Variants in MRPS24 observed in about 807,000 individuals in gnomAD.
MRPS24 encodes the protein small ribosomal subunit protein uS3m.
Under a neutral mutation model 21.8 loss-of-function variants are expected in MRPS24, and 15 were observed. The observed-to-expected ratio is 0.69, with a 90% CI of 0.46 to 1.06. MRPS24 has a LOEUF of 1.06. Ranked by LOEUF, MRPS24 falls within the 50% of genes least tolerant of loss-of-function variation. The pLI, the probability that MRPS24 is intolerant of heterozygous loss-of-function variation, is 0.00. For synonymous variants in MRPS24, 93 were observed against 93.7 expected (o/e 0.99, Z 0.04); for missense variants, 224 against 219.1 (o/e 1.02, Z -0.14).
rs747979916 is a variant in MRPS24, at chr7:43,866,749, G to A, written c.454C>T (p.Arg152Ter). ...LLSYFYKCPV[R>*]LHLQTVPSKV... The stretch of plus-strand genomic sequence containing the variant: ...GAGGGCACAGTTTGGAGGTGGAGTC[G>A]CACAGGACATTTGTAAAAGTAGGAC... The change falls in exon 4 of 4, where the codon CGA (arginine) becomes TGA (stop). Residue 152 changes from arginine to a stop codon, truncating the protein, a stop_gained. Coordinates refer to ENST00000317534, the MANE Select transcript of MRPS24 (RefSeq NM_032014.3). LOFTEE classifies it high-confidence loss of function. 19 of 1,614,056 alleles carry A rather than the reference G, an allele frequency of 1.2e-5. No individual in the cohort carries two copies. Among genetic ancestry groups the A allele is most frequent in the African/African-American group, 9.3e-5 (7 of 74,904 alleles).
At chr7:43,868,319 A>C (rs2095838023) in intron 3 of MRPS24, 1 of 152,200 alleles carries the variant, frequency 6.6e-6, no homozygotes, top group African/African-American at 2.4e-5. Context: ...TAGACCATAA[A>C]AAGGACACCT....
chr7:43,869,419 C>A lies in MRPS24; in HGVS notation c.39+38G>T. 1 of 1,552,472 alleles carries A rather than the reference C, an allele frequency of 6.4e-7. No homozygotes were observed. The highest frequency in any genetic ancestry group is 8.7e-7 in the Non-Finnish European group (1 of 1,148,508). ...GTGAGGCGGAAACTAGGGACCCCAC[C>A]TCCGACTCGCAGGGACCTGCCGAGT... On this transcript the variant is annotated intron_variant, in intron 1 of 3. Coordinates refer to ENST00000317534, the MANE Select transcript of MRPS24 (RefSeq NM_032014.3). This position sits in a 1 kb window ranked among gnomAD's most constrained non-coding sequence, Gnocchi z 4.8.
intron 3 of MRPS24, 180 bp downstream of exon 3, chr7:43,868,782 AT>A (rs1322483893): frequency 1.4e-6 from 1 of 727,648 alleles, no homozygotes. Context: ...CCATCTTCAA[AT>A]TTGTTTCAAC....
In MRPS24 at chr7:43,869,320, C is replaced by T; in HGVS notation, c.96G>A (p.Pro32=). 6.5e-7 allele frequency: 1 copy of T among 1,545,438 alleles called. No individual in the cohort carries two copies. Among genetic ancestry groups the T allele is most frequent in the Non-Finnish European group, 8.7e-7 (1 of 1,146,416 alleles). Reference sequence around the variant, plus strand: ...CGGCGGTGCTCACCTTGGCGCAGACCGGGGAGGTGTGCAGGGCGCGCCAAG... The same window carrying T: ...CGGCGGTGCTCACCTTGGCGCAGACTGGGGAGGTGTGCAGGGCGCGCCAAG... ...PCAWRALHTS[P]VCAKNRAARV... The change falls in exon 2 of 4, where the codon CCG becomes CCA. Residue 32 remains proline, a synonymous_variant. Coordinates refer to ENST00000317534, the MANE Select transcript of MRPS24 (RefSeq NM_032014.3). This position sits in a 1 kb window ranked among gnomAD's most constrained non-coding sequence, Gnocchi z 4.8.
Position 43,866,756 on chromosome 7 carries a change from A to G in MRPS24, c.447T>C (p.Cys149=). The stretch of plus-strand genomic sequence containing the variant: ...CAGTTTGGAGGTGGAGTCGCACAGG[A>G]CATTTGTAAAAGTAGGACAGCAAAG... ...SETLLSYFYK[C]PVRLHLQTVP... The change falls in exon 4 of 4, where the codon TGT becomes TGC. Residue 149 remains cysteine (C), a synonymous_variant. Transcript: ENST00000317534. 6.2e-7 allele frequency: 1 copy of G among 1,614,214 alleles called. No individual in the cohort carries two copies. Among genetic ancestry groups the G allele is most frequent in the East Asian group, 2.2e-5 (1 of 44,888 alleles).
intron 3 of MRPS24, 43 bp from the exon 4 acceptor site, chr7:43,867,025 C>T (rs2095836971): frequency 7.5e-6 from 12 of 1,593,708 alleles, no homozygotes; most frequent in Non-Finnish European, 1.0e-5. Context: ...CCTCATTGCC[C>T]CAGGGCCCTG....
Position 43,869,139 on chromosome 7 carries a change from C to A in MRPS24, c.109-65G>T, listed in dbSNP as rs183695189. On this transcript the variant is annotated intron_variant, in intron 2 of 3. Coordinates refer to ENST00000317534, the MANE Select transcript of MRPS24 (RefSeq NM_032014.3). The surrounding 1 kb of genome is among the most constrained non-coding windows in gnomAD (Gnocchi z 4.8). ...TCCAGACCCCTACTTCGCGCCATGT[C>A]CCCCCAGTCAGCTGGCACTGTTCCC... 3 of 1,541,074 alleles carry A rather than the reference C, an allele frequency of 1.9e-6. No homozygotes were observed. In the East Asian group the frequency reaches 7.2e-5, roughly 37 times the overall value.
At chr7:43,868,361 C>G (rs2095838074) in intron 3 of MRPS24, 2 of 152,182 alleles carry the variant, frequency 1.3e-5, no homozygotes, top group Admixed American at 1.3e-4. Context: ...CTAGGCAGAG[C>G]CTTGTCGACC....
At position 43,869,259 on chromosome 7, in the gene MRPS24, C is replaced by CCCCCT; in HGVS notation, c.108+48_108+49insAGGGG. 6.9e-7 allele frequency: 1 copy of CCCCCT among 1,448,352 alleles called. No homozygotes were observed. Among genetic ancestry groups the CCCCCT allele is most frequent in the South Asian group, 1.4e-5 (1 of 73,662 alleles). The allele number at this position is 1,448,352 out of a possible 1,614,324, so 89.7% of individuals were successfully genotyped here. On this transcript the variant is annotated intron_variant, in intron 2 of 3. Transcript: ENST00000317534. The surrounding 1 kb of genome is among the most constrained non-coding windows in gnomAD (Gnocchi z 4.8). Reference sequence around the variant, plus strand: ...CAGCCCGCACGGCTTCCCCGGCCCCCGGCCCCCCGGCCCCCAGGCCCCCAG... The same window carrying CCCCCT: ...CAGCCCGCACGGCTTCCCCGGCCCCCCCCCTGGCCCCCCGGCCCCCAGGCCCCCAG...
chr7:43,867,077 C>A, intron 3 of MRPS24, 95 bp from the exon 4 acceptor site: 2 of 1,298,546 alleles, frequency 1.5e-6, no homozygotes, highest in Non-Finnish European at 2.1e-6. Flanking sequence ...TGAGCACAAT[C>A]CCACCCTTCA....
rs1436891075 is a variant in MRPS24 at position 43,869,340 on chromosome 7, G to A, written c.76C>T (p.Arg26Cys). 11 of 1,547,998 alleles carry A rather than the reference G, an allele frequency of 7.1e-6. No individual in the cohort carries two copies. The highest frequency in any genetic ancestry group is 6.0e-5 in the South Asian group (5 of 84,028). The change falls in exon 2 of 4, where the codon CGC becomes TGC. Residue 26 changes from arginine to cysteine, a missense_variant. Transcript: ENST00000317534. The surrounding 1 kb of genome is among the most constrained non-coding windows in gnomAD (Gnocchi z 4.8). ...CAGACCGGGGAGGTGTGCAGGGCGC[G>A]CCAAGCGCAAGGCAGCTCTCGGCTC... ...SWSRELPCAW[R>C]ALHTSPVCAK...
chr7:43,867,059 A>T, intron 3 of MRPS24, 77 bp from the exon 4 acceptor site: 1 of 1,490,340 alleles, frequency 6.7e-7, no homozygotes. Flanking sequence ...GTCAACATCC[A>T]AAAGCGCTGA....
chr7:43,867,518 CTCTT>C (rs1433537057), intron 3 of MRPS24: 24,534 of 88,966 alleles, frequency 0.28, 4,565 homozygotes, highest in East Asian at 0.47. Flanking sequence ...GCATCTCTCT[CTCTT>C]TTTTTTTTTT....
chr7:43,869,043 C>T lies in MRPS24; in HGVS notation c.140G>A (p.Gly47Glu), dbSNP rs1334896222. The T allele has an allele frequency of 1.2e-6, 2 of 1,613,704 alleles. No individual in the cohort carries two copies. Among genetic ancestry groups the T allele is most frequent in the Admixed American group, 1.7e-5 (1 of 60,034 alleles). ...CTCCTCGTAGGTCACCGGCTTGTCC[C>T]CCTTGCTTACGCGTACTCGGGCCGC... ...NRAARVRVSK[G>E]DKPVTYEEAH... The change falls in exon 3 of 4, where the codon GGG becomes GAG. Residue 47 changes from glycine (G) to glutamate (E), a missense_variant. By Grantham distance (98) the Gly-to-Glu change is moderately conservative. Transcript: ENST00000317534. This position sits in a 1 kb window ranked among gnomAD's most constrained non-coding sequence, Gnocchi z 4.8.
At chr7:43,867,257 A>G (rs2095837118) in intron 3 of MRPS24, among the ~76,000 whole-genome samples, 1 of 152,240 alleles carries the variant, frequency 6.6e-6, no homozygotes, top group South Asian at 2.1e-4. Flanking sequence ...ACAAAACTCA[A>G]GATGATGCCA....
chr7:43,866,687 A>G lies in MRPS24; in HGVS notation c.*12T>C. 1 of 1,611,076 alleles carries G rather than the reference A, an allele frequency of 6.2e-7. No individual in the cohort carries two copies. The highest frequency in any genetic ancestry group is 8.5e-7 in the Non-Finnish European group (1 of 1,177,338). ...CTGCAGGCTACAGCTTGATGGAAAA[A>G]AGGGGATTGTTCTAGAGGTACTTAT... is the stretch of plus-strand genomic sequence containing the variant. On this transcript the variant is annotated 3_prime_UTR_variant, in exon 4 of 4. Transcript: ENST00000317534.
chr7:43,867,298 C>G (rs10261675), intron 3 of MRPS24, among the ~76,000 whole-genome samples: 13,446 of 152,144 alleles, frequency 0.088, 743 homozygotes, highest in Middle Eastern at 0.16. Flanking sequence ...GCTTTCTTGG[C>G]TGCCTTATAA....
rs670573 is a variant in MRPS24 at position 43,866,914 on chromosome 7, A to G, written c.289T>C (p.Trp97Arg). 0.072 allele frequency: 115,730 copies of G among 1,614,126 alleles called. 4,886 individuals carry two copies. The highest frequency in any genetic ancestry group is 0.18 in the East Asian group (8,240 of 44,878). The change falls in exon 4 of 4, where the codon TGG becomes CGG. Residue 97 changes from tryptophan (W) to arginine (R), a missense_variant. By Grantham distance (101) the Trp-to-Arg change is moderately radical. Coordinates refer to ENST00000317534, the MANE Select transcript of MRPS24 (RefSeq NM_032014.3). Reference sequence around the variant, plus strand: ...GCCAGGCAGCCTGGGAAGGTACCCCACATGAACTTGCGAAGGAAAACATCC... The same window carrying G: ...GCCAGGCAGCCTGGGAAGGTACCCCGCATGAACTTGCGAAGGAAAACATCC... ...VEDVFLRKFM[W>R]GTFPGCLADQ...
In MRPS24 at chr7:43,869,032, C is replaced by G. The variant is rs760409950; in HGVS notation, c.151G>C (p.Val51Leu). ...GGCGCGTGTGCCTCCTCGTAGGTCA[C>G]CGGCTTGTCCCCCTTGCTTACGCGT... is the stretch of plus-strand genomic sequence containing the variant. ...RVRVSKGDKPVTYEEAHAPHY... is the reference protein window; with the variant it reads ...RVRVSKGDKPLTYEEAHAPHY... Residue 51 changes from valine to leucine, a missense_variant, in exon 3 of 4, where the codon GTG (valine) becomes CTG (leucine). Physicochemically the swap from Val to Leu is conservative, Grantham distance 32 (BLOSUM62 1). Transcript: ENST00000317534. The surrounding 1 kb of genome is among the most constrained non-coding windows in gnomAD (Gnocchi z 4.8). 1.2e-6 allele frequency: 2 copies of G among 1,614,002 alleles called. No individual in the cohort carries two copies. The highest frequency in any genetic ancestry group is 3.3e-5 in the Admixed American group (2 of 60,034).
Sources: allele counts gnomAD v4.1 joint callset (sites outside exome capture counted in the v4.1 genomes callset), GRCh38; gene constraint gnomAD v4.1.1; non-coding constraint Gnocchi (gnomAD v3.1); transcripts MANE v1.5; gene names NCBI Gene and HGNC (gene_info 2026-07-23, HGNC 2026-07-21).